The following IMMP2L variants were observed in gnomAD, a reference collection of about 807,000 sequenced individuals.
The protein encoded by IMMP2L is mitochondrial inner membrane protease subunit 2.
In IMMP2L, 18 loss-of-function variants were observed where a neutral mutation model predicts 19.3. That is an observed-to-expected ratio of 0.93 (90% CI 0.64 to 1.38). The LOEUF (loss-of-function observed/expected upper bound fraction) is 1.38, where lower values mean the gene tolerates loss of function less well. IMMP2L is among the 40% of genes most tolerant of loss of function. The probability of loss-of-function intolerance (pLI) is 0.00; values close to 1 mark genes in which losing one functional copy is unlikely to be tolerated. For missense variants in IMMP2L, 233 were observed against 218.2 expected, an observed-to-expected ratio of 1.07 and a Z score of -0.43; for synonymous variants, 76 against 73.0, an observed-to-expected ratio of 1.04 and a Z score of -0.21.
At chr7:110,935,344 T>C (rs1319150323) in intron 4 of IMMP2L, among the ~76,000 whole-genome samples, 2 of 152,208 alleles carry the variant, frequency 1.3e-5, no homozygotes, top group East Asian at 3.8e-4. Context: ...TTCTGGCTTG[T>C]AGGGTTTCTG....
chr7:111,208,346 C>T (rs1810947582), intron 3 of IMMP2L, among the ~76,000 whole-genome samples: 1 of 151,996 alleles, frequency 6.6e-6, no homozygotes, highest in African/African-American at 2.4e-5. Context: ...AGATTTTTAC[C>T]CATAACATAC....
chr7:111,504,593 A>G (rs1047618007), intron 2 of IMMP2L, among the ~76,000 whole-genome samples: 1 of 152,142 alleles, frequency 6.6e-6, no homozygotes, highest in South Asian at 2.1e-4. Flanking sequence ...TACAGTAACC[A>G]AAACAGCATG....
chr7:110,858,734 C>T (rs534790676), intron 5 of IMMP2L, among the ~76,000 whole-genome samples: 1 of 151,944 alleles, frequency 6.6e-6, no homozygotes, highest in East Asian at 1.9e-4. Context: ...GGTATATCTC[C>T]TAATGCTATC....
At chr7:111,352,620 C>A (rs954393540) in intron 3 of IMMP2L, among the ~76,000 whole-genome samples, 1 of 152,026 alleles carries the variant, frequency 6.6e-6, no homozygotes, top group Admixed American at 6.6e-5. Flanking sequence ...TTCTGATTTT[C>A]CTCAGTAATT....
In IMMP2L at chr7:111,365,950, G is replaced by T. The variant is rs150288085; in HGVS notation, c.239+121288C>A. On this transcript the variant is annotated intron_variant, in intron 3 of 5. Coordinates refer to ENST00000405709, the MANE Select transcript of IMMP2L (RefSeq NM_032549.4). ...AAAAGTAGAAGGAAATGAGGAAGAA[G>T]GGATGACTGGTAGAGCAGGATGCTG... is the stretch of plus-strand genomic sequence containing the variant. Among the ~76,000 whole-genome samples, 6 of 152,184 alleles carry T rather than the reference G, an allele frequency of 3.9e-5. No homozygotes were observed. In the East Asian group the frequency reaches 1.2e-3, roughly 29 times the overall value.
At chr7:111,126,778 CCA>C (rs755408619) in intron 3 of IMMP2L, among the ~76,000 whole-genome samples, 1 of 152,172 alleles carries the variant, frequency 6.6e-6, no homozygotes, top group South Asian at 2.1e-4. Context: ...CAATAAAATA[CCA>C]CAGTTTTTAT....
At chr7:110,852,541 C>T (rs748968084) in intron 5 of IMMP2L, among the ~76,000 whole-genome samples, 1 of 152,046 alleles carries the variant, frequency 6.6e-6, no homozygotes, top group Non-Finnish European at 1.5e-5. Context: ...CCAATCCTCC[C>T]TTCAGGAGAA....
At chr7:110,888,658 T>C (rs928332502) in intron 4 of IMMP2L, among the ~76,000 whole-genome samples, 1 of 152,184 alleles carries the variant, frequency 6.6e-6, no homozygotes, top group Non-Finnish European at 1.5e-5. Flanking sequence ...AAAAGACCAG[T>C]GACAGTTACA....
intron 3 of IMMP2L, chr7:111,124,728 A>T (rs1801084943): frequency 2.5e-6 from 4 of 1,614,032 alleles, no homozygotes; most frequent in Non-Finnish European, 3.4e-6. Context: ...TCTCTCCAGA[A>T]ATGAACTGTG....
intron 3 of IMMP2L, among the ~76,000 whole-genome samples, chr7:111,482,950 A>C (rs1295820275): frequency 2.0e-5 from 3 of 152,212 alleles, no homozygotes; most frequent in Non-Finnish European, 4.4e-5. Flanking sequence ...AGGTGACTAA[A>C]GAGACATAAA....
intron 3 of IMMP2L, among the ~76,000 whole-genome samples, chr7:111,093,230 G>A (rs1430940930): frequency 6.6e-6 from 1 of 152,176 alleles, no homozygotes; most frequent in Non-Finnish European, 1.5e-5. Flanking sequence ...TGAAGCATCA[G>A]CTTGCAATAT....
At chr7:111,198,669 A>T (rs1790333478) in intron 3 of IMMP2L, among the ~76,000 whole-genome samples, 1 of 152,138 alleles carries the variant, frequency 6.6e-6, no homozygotes, top group South Asian at 2.1e-4. Flanking sequence ...CTGCCTACCA[A>T]AATCTTATCC....
chr7:111,148,380 T>TTAA, intron 3 of IMMP2L, among the ~76,000 whole-genome samples: 1 of 152,114 alleles, frequency 6.6e-6, no homozygotes, highest in Admixed American at 6.6e-5. Context: ...TAGGGAATGA[T>TTAA]TGCTAGAGTG....
chr7:110,885,250 A>G (rs1810100351), intron 5 of IMMP2L, among the ~76,000 whole-genome samples: 1 of 152,002 alleles, frequency 6.6e-6, no homozygotes. Flanking sequence ...TTGAAATCCA[A>G]AATACTCCAA....
At chr7:111,502,890 C>T (rs1156676427) in intron 2 of IMMP2L, among the ~76,000 whole-genome samples, 2 of 149,458 alleles carry the variant, frequency 1.3e-5, no homozygotes, top group African/African-American at 4.9e-5. Context: ...AATTGACACC[C>T]TAACATCACA....
intron 3 of IMMP2L, among the ~76,000 whole-genome samples, chr7:111,167,541 A>G (rs961810988): frequency 1.3e-5 from 2 of 151,924 alleles, no homozygotes; most frequent in African/African-American, 4.8e-5. Context: ...GAAGGTTACC[A>G]ACTGAAATCA....
At chr7:111,480,351 A>C in intron 3 of IMMP2L, among the ~76,000 whole-genome samples, 1 of 152,058 alleles carries the variant, frequency 6.6e-6, no homozygotes, top group East Asian at 1.9e-4. Flanking sequence ...AAGTGCTGAG[A>C]TTACAGGCGT....
chr7:110,807,651 C>T (rs1438708844), intron 5 of IMMP2L, among the ~76,000 whole-genome samples: 1 of 151,852 alleles, frequency 6.6e-6, no homozygotes, highest in Non-Finnish European at 1.5e-5. Context: ...TAATTGTGTA[C>T]AAACAGGTTG....
At position 110,933,560 on chromosome 7, in the gene IMMP2L, G is replaced by A. The variant is rs144127962; in HGVS notation, c.305+29940C>T. On this transcript the variant is annotated intron_variant, in intron 4 of 5. Coordinates refer to ENST00000405709, the MANE Select transcript of IMMP2L (RefSeq NM_032549.4). ...AAGGTATGTGCTTTTTTAACACAGG[G>A]CTCAAGAAAATTTTCTTTAAACTCT... Among the ~76,000 whole-genome samples, 212 of 152,204 alleles carry A rather than the reference G, an allele frequency of 1.4e-3. 2 individuals carry two copies. The highest frequency in any genetic ancestry group is 3.4e-3 in the Middle Eastern group (1 of 294).
Sources: gnomAD v4.1 joint callset for allele counts (sites outside exome capture counted in the v4.1 genomes callset) on GRCh38, gnomAD v4.1.1 for gene constraint, MANE v1.5 for transcripts, NCBI Gene and HGNC (gene_info 2026-07-23, HGNC 2026-07-21) for gene names.